The following SLC48A1 variants were observed in gnomAD, a reference collection of about 807,000 sequenced individuals.
SLC48A1 encodes solute carrier family 48 member 1.
SLC48A1 carries 6 observed loss-of-function variants against 14.8 expected under a neutral mutation model. That is an observed-to-expected ratio of 0.41 (90% CI 0.22 to 0.80). SLC48A1 has a LOEUF of 0.80. Ranked by LOEUF, SLC48A1 falls within the 30% of genes least tolerant of loss-of-function variation. The pLI is 0.34. For missense variants in SLC48A1, 165 were observed against 204.8 expected (o/e 0.81, Z 1.19); for synonymous variants, 89 against 90.0 (o/e 0.99, Z 0.06).
intron 2 of SLC48A1, among the ~76,000 whole-genome samples, chr12:47,761,712 C>T (rs780351235): frequency 3.8e-4 from 58 of 152,216 alleles, no homozygotes; most frequent in Non-Finnish European, 6.5e-4. Flanking sequence ...CTCCACCCTC[C>T]TCTGACTGTC....
At chr12:47,768,852 C>G (rs1942570706), upstream of SLC48A1, 1 of 152,130 alleles carries the variant, frequency 6.6e-6, no homozygotes, top group African/African-American at 2.4e-5. Context: ...TTTAGATGAA[C>G]TTCAGTGGAA....
At chr12:47,758,348 T>C, upstream of SLC48A1, 1 of 1,451,038 alleles carries the variant, frequency 6.9e-7, no homozygotes, top group Non-Finnish European at 9.1e-7. Context: ...TCACTGCCCA[T>C]GCCCCTGCAG....
At chr12:47,771,333 T>A (rs1942626228), upstream of SLC48A1, among the ~76,000 whole-genome samples, 1 of 152,196 alleles carries the variant, frequency 6.6e-6, no homozygotes, top group Non-Finnish European at 1.5e-5. Flanking sequence ...GGGGTCATTA[T>A]ATGCCAGACA....
At chr12:47,765,562 G>A (rs1277693786) in intron 2 of SLC48A1, among the ~76,000 whole-genome samples, 1 of 152,216 alleles carries the variant, frequency 6.6e-6, no homozygotes, top group Admixed American at 6.5e-5. Context: ...TCAGCTGAGG[G>A]TGCCTGCTGG....
At chr12:47,758,343 G>A (rs1219415868), upstream of SLC48A1, 5 of 1,446,878 alleles carry the variant, frequency 3.5e-6, no homozygotes, top group East Asian at 1.3e-4. Context: ...CCATCTCACT[G>A]CCCATGCCCC....
chr12:47,773,488 C>G, intron 1 of SLC48A1, 48 bp downstream of exon 1: 1 of 1,285,448 alleles, frequency 7.8e-7, no homozygotes. Flanking sequence ...GGCTGCGGGG[C>G]GGGCGCCGTC....
At chr12:47,776,939 T>G (rs1316466779) in intron 1 of SLC48A1, among the ~76,000 whole-genome samples, 1 of 152,114 alleles carries the variant, frequency 6.6e-6, no homozygotes, top group Non-Finnish European at 1.5e-5. Flanking sequence ...TGGGAAAGGA[T>G]CTTAGAGCTC....
intron 2 of SLC48A1, among the ~76,000 whole-genome samples, chr12:47,764,441 C>G (rs367786088): frequency 6.6e-6 from 1 of 152,202 alleles, no homozygotes; most frequent in South Asian, 2.1e-4. Context: ...GGACTCAAAC[C>G]CTGTGCCCAC....
intron 1 of SLC48A1, among the ~76,000 whole-genome samples, chr12:47,774,304 T>C (rs1942693701): frequency 6.6e-6 from 1 of 152,250 alleles, no homozygotes; most frequent in South Asian, 2.1e-4. Context: ...TAAAAAATGC[T>C]TTCTATGTGT....
chr12:47,761,294 GAA>G (rs1942375395), intron 2 of SLC48A1, among the ~76,000 whole-genome samples: 1 of 151,800 alleles, frequency 6.6e-6, no homozygotes, highest in South Asian at 2.1e-4. Context: ...CGGTGAAAAT[GAA>G]ACTGTCCCAA....
At chr12:47,771,657 C>G (rs1248479670), upstream of SLC48A1, 1 of 152,298 alleles carries the variant, frequency 6.6e-6, no homozygotes, top group Admixed American at 6.5e-5. Flanking sequence ...GGCGGCCGGG[C>G]ACGGTGGGCT....
chr12:47,757,586 C>T (rs1042818352), upstream of SLC48A1, among the ~76,000 whole-genome samples: 2 of 152,218 alleles, frequency 1.3e-5, no homozygotes, highest in Non-Finnish European at 2.9e-5. Context: ...TCAATGCCGG[C>T]TCACTGAGGT....
chr12:47,765,965 C>T (rs1349281561), intron 2 of SLC48A1, among the ~76,000 whole-genome samples: 1 of 152,130 alleles, frequency 6.6e-6, no homozygotes, highest in Non-Finnish European at 1.5e-5. Flanking sequence ...GCCTGTCCAC[C>T]CAGTTCTTGA....
At position 47,782,273 on chromosome 12, in the gene SLC48A1, AGT is replaced by A. The variant is rs1416495891; in HGVS notation, c.*1995_*1996del. On this transcript the variant is annotated 3_prime_UTR_variant, in exon 3 of 3. Coordinates refer to ENST00000442218, the MANE Select transcript of SLC48A1 (RefSeq NM_017842.3). ...ATCAGAGCGGGAAGGAGCCATCAAC[AGT>A]GTATACTTCTGGAGCCTTCTACTGA... 6.6e-6 allele frequency: 1 copy of A among 152,242 alleles called. No individual in the cohort carries two copies. The highest frequency in any genetic ancestry group is 6.5e-5 in the Admixed American group (1 of 15,282). The allele number at this position is 152,242 out of a possible 1,614,324, so 9.4% of individuals were successfully genotyped here.
intron 2 of SLC48A1, among the ~76,000 whole-genome samples, chr12:47,761,569 G>A (rs1465848787): frequency 6.6e-6 from 1 of 152,194 alleles, no homozygotes; most frequent in Admixed American, 6.5e-5. Context: ...CCTGGATGGG[G>A]ACCCGACAGT....
intron 1 of SLC48A1, chr12:47,759,024 T>G (rs186737744): frequency 2.0e-6 from 2 of 989,440 alleles, no homozygotes; most frequent in Admixed American, 6.1e-5. Flanking sequence ...ACTGGCAGGC[T>G]TTGGAGTCCG....
intron 2 of SLC48A1, among the ~76,000 whole-genome samples, chr12:47,760,706 C>T (rs1230689501): frequency 1.3e-5 from 2 of 151,290 alleles, no homozygotes; most frequent in African/African-American, 4.8e-5. Flanking sequence ...TTCTGTTATC[C>T]TCACGTCACA....
intron 1 of SLC48A1, among the ~76,000 whole-genome samples, chr12:47,759,984 A>G (rs1450151447): frequency 2.0e-5 from 3 of 152,200 alleles, no homozygotes; most frequent in Admixed American, 6.5e-5. Flanking sequence ...GGTAGCTCTA[A>G]GAAGCCTATA....
chr12:47,766,547 G>A (rs1432969486), intron 2 of SLC48A1, among the ~76,000 whole-genome samples: 1 of 152,154 alleles, frequency 6.6e-6, no homozygotes, highest in Non-Finnish European at 1.5e-5. Flanking sequence ...GCGGGTTCAG[G>A]TTAGGAGATG....
Sources: gnomAD v4.1 joint callset for allele counts (sites outside exome capture counted in the v4.1 genomes callset) on GRCh38, gnomAD v4.1.1 for gene constraint, MANE v1.5 for transcripts, NCBI Gene and HGNC (gene_info 2026-07-23, HGNC 2026-07-21) for gene names.